REPS1: variants seen among roughly 807,000 people sequenced by gnomAD.
The protein encoded by REPS1 is RALBP1 associated Eps domain containing 1, also known as ralBP1-associated Eps domain-containing protein 1.
Under a neutral mutation model 100.9 loss-of-function variants are expected in REPS1, and 39 were observed. The ratio of observed to expected loss-of-function variants is 0.39; its 90% CI spans 0.30 to 0.50. REPS1 has a LOEUF of 0.50. REPS1 is among the 20% of genes least tolerant of loss of function. The pLI is 0.86. For missense variants in REPS1, 821 were observed against 968.5 expected, an observed-to-expected ratio of 0.85 and a Z score of 2.02; for synonymous variants, 324 against 340.3, an observed-to-expected ratio of 0.95 and a Z score of 0.53.
intron 8 of REPS1, among the ~76,000 whole-genome samples, chr6:138,940,944 A>G (rs947585684): frequency 6.6e-6 from 1 of 152,138 alleles, no homozygotes; most frequent in Admixed American, 6.5e-5. Context: ...CTAATGATGA[A>G]CCAAGTAATT....
At chr6:138,949,757 C>T (rs1039999374) in intron 1 of REPS1, among the ~76,000 whole-genome samples, 3 of 151,764 alleles carry the variant, frequency 2.0e-5, no homozygotes, top group African/African-American at 7.3e-5. Flanking sequence ...TTATATTATA[C>T]ATATTGACCT....
intron 1 of REPS1, among the ~76,000 whole-genome samples, chr6:138,951,938 A>G (rs2128483896): frequency 6.6e-6 from 1 of 152,258 alleles, no homozygotes; most frequent in African/African-American, 2.4e-5. Flanking sequence ...TTTCTCTAGC[A>G]CAGTTATCTG....
At chr6:138,930,542 T>C (rs1781425346) in intron 8 of REPS1, among the ~76,000 whole-genome samples, 2 of 152,192 alleles carry the variant, frequency 1.3e-5, no homozygotes, top group East Asian at 3.8e-4. Context: ...TGCACATTTG[T>C]ATATCAAGAC....
chr6:138,931,263 T>C (rs922949910), intron 8 of REPS1, among the ~76,000 whole-genome samples: 1 of 152,210 alleles, frequency 6.6e-6, no homozygotes, highest in Non-Finnish European at 1.5e-5. Flanking sequence ...TCTCAATCTA[T>C]TCATCAGTAA....
At position 138,959,118 on chromosome 6, in the gene REPS1, C is replaced by T. The variant is rs1783578624; in HGVS notation, c.154-11205G>A. On this transcript the variant is annotated intron_variant, in intron 1 of 19. Transcript: ENST00000450536. ...TTTTTGCCAGGATAATGTCAGCTTCCTCAGGGCAAGTACCCCCAAGAAGTC... is the reference window on the plus strand; with the variant it reads ...TTTTTGCCAGGATAATGTCAGCTTCTTCAGGGCAAGTACCCCCAAGAAGTC... Among the ~76,000 whole-genome samples, 3 of 152,150 alleles carry T rather than the reference C, an allele frequency of 2.0e-5. No homozygotes were observed. The South Asian group carries it at 6.2e-4, about 32-fold the overall frequency.
At chr6:138,958,909 A>G (rs1335799296) in intron 1 of REPS1, among the ~76,000 whole-genome samples, 1 of 152,204 alleles carries the variant, frequency 6.6e-6, no homozygotes, top group Non-Finnish European at 1.5e-5. Flanking sequence ...AGAACTCTCC[A>G]AGGAGAAAAT....
intron 1 of REPS1, among the ~76,000 whole-genome samples, chr6:138,948,252 A>C (rs1262115524): frequency 6.6e-6 from 1 of 152,228 alleles, no homozygotes; most frequent in East Asian, 1.9e-4. Context: ...CATGTGACTA[A>C]GAGACTATTA....
chr6:138,920,094 G>C (rs1780652322), intron 12 of REPS1, 121 bp downstream of exon 12: 3 of 560,460 alleles, frequency 5.4e-6, no homozygotes, highest in African/African-American at 1.9e-5. Flanking sequence ...GTGTTCGAAA[G>C]GGTTCACTCT....
rs1243922473 is a variant in REPS1 at position 138,917,537 on chromosome 6, A to T, written c.1601+18T>A. On this transcript the variant is annotated intron_variant, in intron 13 of 19. Transcript: ENST00000450536. ...AGCAAGATAGTTTAACATGCTTTTC[A>T]TTGACAGAAATACTGACCTTTGACG... 6.3e-7 allele frequency: 1 copy of T among 1,592,882 alleles called. No individual in the cohort carries two copies. Among genetic ancestry groups the T allele is most frequent in the Non-Finnish European group, 8.6e-7 (1 of 1,161,068 alleles).
chr6:138,949,106 T>C (rs1782827225), intron 1 of REPS1, among the ~76,000 whole-genome samples: 1 of 152,232 alleles, frequency 6.6e-6, no homozygotes, highest in African/African-American at 2.4e-5. Context: ...TTCTGCCCAC[T>C]TGACGCCTCT....
At chr6:138,944,439 G>A (rs571828969) in intron 5 of REPS1, 59 bp downstream of exon 5, 39 of 1,541,988 alleles carry the variant, frequency 2.5e-5, no homozygotes, top group African/African-American at 2.1e-4. Context: ...TAAAAACAAC[G>A]ACTGGAGCAA....
At chr6:138,908,605 AC>A in intron 18 of REPS1, 62 bp downstream of exon 18, 1 of 1,582,104 alleles carries the variant, frequency 6.3e-7, no homozygotes, top group South Asian at 1.1e-5. Context: ...CAGTTTGATT[AC>A]TTTTAATTGT....
chr6:138,917,980 G>A (rs1311275068), intron 12 of REPS1, among the ~76,000 whole-genome samples: 1 of 151,992 alleles, frequency 6.6e-6, no homozygotes, highest in Non-Finnish European at 1.5e-5. Flanking sequence ...ACCGCAAACA[G>A]AAAATATTAG....
intron 14 of REPS1, 28 bp downstream of exon 14, chr6:138,915,830 A>T (rs1321000678): frequency 7.1e-7 from 1 of 1,402,314 alleles, no homozygotes; most frequent in Non-Finnish European, 1.0e-6. Flanking sequence ...TTAAATGATA[A>T]TGTATATTAT....
At chr6:138,962,110 G>C (rs985819622) in intron 1 of REPS1, among the ~76,000 whole-genome samples, 21 of 152,082 alleles carry the variant, frequency 1.4e-4, no homozygotes, top group Non-Finnish European at 2.6e-4. Context: ...ACAACACTTG[G>C]ACCACCTACT....
chr6:138,979,625 A>G (rs1269476088), intron 1 of REPS1, among the ~76,000 whole-genome samples: 2 of 152,154 alleles, frequency 1.3e-5, no homozygotes, highest in African/African-American at 4.8e-5. Context: ...GTGAAATTCA[A>G]TACAGCTGAC....
chr6:138,923,708 C>T (rs1300163299), intron 10 of REPS1, among the ~76,000 whole-genome samples: 1 of 152,168 alleles, frequency 6.6e-6, no homozygotes, highest in Non-Finnish European at 1.5e-5. Context: ...TTCATCAGAA[C>T]TATGAAAGCT....
At chr6:138,933,305 T>C (rs1017590945) in intron 8 of REPS1, among the ~76,000 whole-genome samples, 8 of 152,354 alleles carry the variant, frequency 5.3e-5, no homozygotes, top group African/African-American at 1.7e-4. Flanking sequence ...AGGTATCTGT[T>C]GCAGCAATTC....
At chr6:138,918,323 T>C (rs1263942836) in intron 12 of REPS1, among the ~76,000 whole-genome samples, 1 of 152,198 alleles carries the variant, frequency 6.6e-6, no homozygotes, top group Non-Finnish European at 1.5e-5. Flanking sequence ...TACAGGAGGA[T>C]GTGCATAGGT....
Sources: gnomAD v4.1 joint callset for allele counts (sites outside exome capture counted in the v4.1 genomes callset) on GRCh38, gnomAD v4.1.1 for gene constraint, MANE v1.5 for transcripts, NCBI Gene and HGNC (gene_info 2026-07-23, HGNC 2026-07-21) for gene names.